Variants in SNRNP27 observed in about 807,000 individuals in gnomAD.
The protein encoded by SNRNP27 is small nuclear ribonucleoprotein U4/U6.U5 subunit 27.
Under a neutral mutation model 25.1 loss-of-function variants are expected in SNRNP27, and 22 were observed. The observed-to-expected ratio is 0.88, with a 90% CI of 0.63 to 1.25. SNRNP27 has a LOEUF of 1.25. SNRNP27 is among the 50% of genes most tolerant of loss of function. SNRNP27 has a pLI of 0.00. For missense variants in SNRNP27, 150 were observed against 202.3 expected (o/e 0.74, Z 1.57); for synonymous variants, 66 against 64.9 (o/e 1.02, Z -0.08).
At chr2:69,900,112 T>C (rs998847158) in intron 4 of SNRNP27, among the ~76,000 whole-genome samples, 1 of 152,118 alleles carries the variant, frequency 6.6e-6, no homozygotes, top group African/African-American at 2.4e-5. Flanking sequence ...CTCACAGCAA[T>C]GTGCTTGGCT....
chr2:69,895,324 A>T (rs1419897975), intron 2 of SNRNP27, 110 bp downstream of exon 2: 3 of 1,339,440 alleles, frequency 2.2e-6, no homozygotes, highest in East Asian at 5.0e-5. Context: ...CGGTTTCCTG[A>T]AATGGAGGAA....
At chr2:69,895,689 G>T (rs1266056700) in intron 2 of SNRNP27, among the ~76,000 whole-genome samples, 1 of 152,116 alleles carries the variant, frequency 6.6e-6, no homozygotes, top group African/African-American at 2.4e-5. Context: ...CTCCCAAGTA[G>T]CTGGGACTAC....
At chr2:69,899,574 C>T (rs1268607823) in intron 4 of SNRNP27, among the ~76,000 whole-genome samples, 4 of 152,040 alleles carry the variant, frequency 2.6e-5, no homozygotes, top group South Asian at 4.1e-4. Context: ...GGATTACAGG[C>T]GCCTGCCACC....
In SNRNP27 at chr2:69,896,558, T is replaced by C. The variant is rs750716927; in HGVS notation, c.268+10T>C. ...GAACGGCAGATTACTGGTAATGTTA[T>C]TAGATAAATAACTGTAGGAAAAGTA... On this transcript the variant is annotated intron_variant, in intron 3 of 5. Transcript: ENST00000244227. The C allele has an allele frequency of 1.8e-5, 29 of 1,589,138 alleles. No individual in the cohort carries two copies. Among genetic ancestry groups the C allele is most frequent in the Non-Finnish European group, 2.4e-5 (28 of 1,164,018 alleles).
chr2:69,897,557 C>T (rs1490703822), intron 4 of SNRNP27, 101 bp downstream of exon 4: 3 of 926,130 alleles, frequency 3.2e-6, no homozygotes, highest in Non-Finnish European at 5.1e-6. Context: ...GGTTATAAGA[C>T]AATAACTATC....
Position 69,894,134 on chromosome 2 carries a change from C to A in SNRNP27, c.34+116C>A, listed in dbSNP as rs1273952150. The A allele has an allele frequency of 5.2e-6, 5 of 964,816 alleles. No individual in the cohort carries two copies. In the East Asian group the frequency reaches 1.1e-4, roughly 20 times the overall value. 59.8% of individuals were successfully genotyped at this position (964,816 alleles called of 1,614,324 possible). A position where few individuals can be genotyped will look rare whatever the true frequency, so the allele number is the denominator to read the frequency against. On this transcript the variant is annotated intron_variant, in intron 1 of 5. Coordinates refer to ENST00000244227, the MANE Select transcript of SNRNP27 (RefSeq NM_006857.3). The stretch of plus-strand genomic sequence containing the variant: ...CAGAGAGGCGGGCCCTTTTCCCAGG[C>A]GGAGAGCGAGGGGTGGATAAAGGAA...
intron 4 of SNRNP27, among the ~76,000 whole-genome samples, chr2:69,900,362 A>C (rs1262588244): frequency 6.6e-6 from 1 of 152,220 alleles, no homozygotes; most frequent in African/African-American, 2.4e-5. Flanking sequence ...AACTTTGTAA[A>C]AAGGTTATCA....
At position 69,904,437 on chromosome 2, in the gene SNRNP27, T is replaced by C. The variant is rs180689187; in HGVS notation, c.*129T>C. On this transcript the variant is annotated 3_prime_UTR_variant, in exon 6 of 6. Transcript: ENST00000244227. ...TCCTTTCTTGTAAAGTAAGAAAATC[T>C]TATTTATGATATATGCAGTTAACTT... 2 of 762,614 alleles carry C rather than the reference T, an allele frequency of 2.6e-6. No homozygotes were observed. Among genetic ancestry groups the C allele is most frequent in the African/African-American group, 3.5e-5 (2 of 57,148 alleles). 47.2% of individuals were successfully genotyped at this position (762,614 alleles called of 1,614,324 possible).
chr2:69,895,776 G>T (rs2034739), intron 2 of SNRNP27, among the ~76,000 whole-genome samples: 46,955 of 152,012 alleles, frequency 0.31, 7,951 homozygotes, highest in African/African-American at 0.45. Context: ...TAGCCAGGAT[G>T]GTCTTGATCT....
chr2:69,897,641 G>A (rs1676627800), intron 4 of SNRNP27, 185 bp downstream of exon 4: 1 of 560,182 alleles, frequency 1.8e-6, no homozygotes, highest in South Asian at 2.2e-5. Context: ...GGTTGCCAGG[G>A]ACGATGTTTG....
At chr2:69,903,322 G>C in intron 5 of SNRNP27, 77 bp downstream of exon 5, 2 of 1,038,826 alleles carry the variant, frequency 1.9e-6, no homozygotes, top group South Asian at 2.6e-5. Context: ...AGATAATCAT[G>C]TTTGTAGGAA....
chr2:69,902,080 G>A (rs1465877016), intron 4 of SNRNP27, among the ~76,000 whole-genome samples: 1 of 151,974 alleles, frequency 6.6e-6, no homozygotes, highest in Non-Finnish European at 1.5e-5. Context: ...GTGAATGTTT[G>A]TTGGTTTGAA....
chr2:69,895,043 T>C, intron 1 of SNRNP27, 51 bp from the exon 2 acceptor site: 1 of 1,607,748 alleles, frequency 6.2e-7, no homozygotes, highest in Non-Finnish European at 8.5e-7. Context: ...GGCGCAGCTC[T>C]AGATATTTGA....
intron 1 of SNRNP27, among the ~76,000 whole-genome samples, 194 bp downstream of exon 1, chr2:69,894,212 T>C (rs1676561248): frequency 6.6e-6 from 1 of 152,138 alleles, no homozygotes; most frequent in Admixed American, 6.5e-5. Context: ...TTGAAGGCAG[T>C]TGTTTGTCTC....
At chr2:69,897,620 A>G in intron 4 of SNRNP27, 164 bp downstream of exon 4, 1 of 607,724 alleles carries the variant, frequency 1.6e-6, no homozygotes, top group South Asian at 2.1e-5. Context: ...TGCCATTGGA[A>G]TTCAGGGAGT....
At chr2:69,895,974 GTT>G (rs3078818) in intron 2 of SNRNP27, among the ~76,000 whole-genome samples, 44,507 of 141,878 alleles carry the variant, frequency 0.31, 7,288 homozygotes, top group African/African-American at 0.45. Context: ...TTTTTGGTTT[GTT>G]TTTTTTTTTT....
rs1676778302 is a variant in SNRNP27, at chr2:69,905,225, C to G, written c.*917C>G. On this transcript the variant is annotated 3_prime_UTR_variant, in exon 6 of 6. Coordinates refer to ENST00000244227, the MANE Select transcript of SNRNP27 (RefSeq NM_006857.3). Reference sequence around the variant, plus strand: ...TTAAAACTGTGACTACTATCTGTCTCCATTACATACATATTTTTGTATGTT... The same window carrying G: ...TTAAAACTGTGACTACTATCTGTCTGCATTACATACATATTTTTGTATGTT... The G allele has an allele frequency of 6.6e-6, 1 of 152,182 alleles. No individual in the cohort carries two copies. 9.4% of individuals were successfully genotyped at this position (152,182 alleles called of 1,614,324 possible).
rs755993913 is a variant in SNRNP27 at position 69,902,495 on chromosome 2, CTGCTGCTGCTGCTTG to C, written c.349-672_349-658del. On this transcript the variant is annotated intron_variant, in intron 4 of 5. Transcript: ENST00000244227. ...GCTGCTGCTGTTTCTGTTTCCTCTG[CTGCTGCTGCTGCTTG>C]TGCTGCTGCTGCTCTAGCTTCTGCT... Among the ~76,000 whole-genome samples, 11 of 152,112 alleles carry C rather than the reference CTGCTGCTGCTGCTTG, an allele frequency of 7.2e-5. No homozygotes were observed. The East Asian group carries it at 7.7e-4, about 11-fold the overall frequency.
chr2:69,895,336 CTT>C (rs1474143103), intron 2 of SNRNP27, 122 bp downstream of exon 2: 7 of 1,206,712 alleles, frequency 5.8e-6, no homozygotes, highest in Middle Eastern at 2.0e-4. Context: ...ATGGAGGAAA[CTT>C]AATCCAACCT....
Sources: gnomAD v4.1 joint callset for allele counts (sites outside exome capture counted in the v4.1 genomes callset) on GRCh38, gnomAD v4.1.1 for gene constraint, MANE v1.5 for transcripts, NCBI Gene and HGNC (gene_info 2026-07-23, HGNC 2026-07-21) for gene names.